The following NR6A1 variants were observed in gnomAD, a reference collection of about 807,000 sequenced individuals.
NR6A1 encodes the protein retinoic acid receptor-related testis-associated receptor.
In NR6A1, 7 loss-of-function variants were observed where a neutral mutation model predicts 59.1. The observed-to-expected ratio is 0.12, with a 90% CI of 0.07 to 0.22. The LOEUF is 0.22. NR6A1 is among the 10% of genes least tolerant of loss of function. The pLI is 1.00. For synonymous variants in NR6A1, 243 were observed against 236.1 expected (o/e 1.03, Z -0.27); for missense variants, 468 against 611.6 (o/e 0.77, Z 2.48).
intron 1 of NR6A1, 110 bp from the exon 2 acceptor site, chr9:124,733,459 T>C (rs970828286): frequency 1.2e-6 from 1 of 834,274 alleles, no homozygotes; most frequent in Non-Finnish European, 2.0e-6. Flanking sequence ...AGAAGTCAAT[T>C]TGGGTTTCAA....
intron 2 of NR6A1, among the ~76,000 whole-genome samples, chr9:124,556,652 G>T (rs1342048595): frequency 6.6e-6 from 1 of 151,850 alleles, no homozygotes; most frequent in Non-Finnish European, 1.5e-5. Context: ...GTAGAGACGG[G>T]GTTTTACCAT....
chr9:124,725,091 G>T (rs910299348), intron 2 of NR6A1, among the ~76,000 whole-genome samples: 1 of 152,116 alleles, frequency 6.6e-6, no homozygotes, highest in Non-Finnish European at 1.5e-5. Context: ...ACAGCTACAC[G>T]GTAAACACGA....
intron 3 of NR6A1, among the ~76,000 whole-genome samples, chr9:124,551,793 T>C (rs1446921171): frequency 1.3e-5 from 2 of 152,224 alleles, no homozygotes; most frequent in African/African-American, 2.4e-5. Flanking sequence ...TGTAAAGTTC[T>C]ATGGGTTTTG....
chr9:124,565,306 A>C (rs954373847), intron 2 of NR6A1, among the ~76,000 whole-genome samples: 2 of 152,132 alleles, frequency 1.3e-5, no homozygotes, highest in African/African-American at 4.8e-5. Context: ...ACGCGCTTGT[A>C]GTCCCAGATA....
chr9:124,683,757 C>A lies in NR6A1; in HGVS notation c.142+49551G>T, dbSNP rs575943726. ...GCAGTGAGCCAAGATCGCACCATTG[C>A]ACTCCAGCTTGGGCAACAAGAGTGA... On this transcript the variant is annotated intron_variant, in intron 2 of 9. Transcript: ENST00000487099. Among the ~76,000 whole-genome samples the A allele has an allele frequency of 7.2e-5, 11 of 152,354 alleles. No homozygotes were observed. The South Asian group carries it at 1.9e-3, about 26-fold the overall frequency.
chr9:124,588,025 TCTC>T (rs1380427512), intron 2 of NR6A1, among the ~76,000 whole-genome samples: 1 of 152,088 alleles, frequency 6.6e-6, no homozygotes, highest in Non-Finnish European at 1.5e-5. Context: ...AGAACTCCTC[TCTC>T]CTCAGCTCCT....
chr9:124,600,483 A>C (rs529340912), intron 2 of NR6A1, among the ~76,000 whole-genome samples: 5 of 152,344 alleles, frequency 3.3e-5, no homozygotes, highest in African/African-American at 1.2e-4. Flanking sequence ...CTAAAATAAA[A>C]TATTCCAGAA....
intron 1 of NR6A1, among the ~76,000 whole-genome samples, chr9:124,747,333 T>A (rs921129504): frequency 6.6e-6 from 1 of 152,032 alleles, no homozygotes. Context: ...TAGCTGGGAC[T>A]ACAATCATGT....
At chr9:124,765,235 T>C (rs1445666162) in intron 1 of NR6A1, among the ~76,000 whole-genome samples, 1 of 152,218 alleles carries the variant, frequency 6.6e-6, no homozygotes, top group Admixed American at 6.5e-5. Context: ...AACTACTCCA[T>C]TGCATAACTT....
chr9:124,747,187 CTTTTTTTTTTTT>C (rs35429356), intron 1 of NR6A1, among the ~76,000 whole-genome samples: 15 of 122,518 alleles, frequency 1.2e-4, no homozygotes, highest in Non-Finnish European at 2.5e-4. Context: ...CCTTGTCTGA[CTTTTTTTTTTTT>C]TTTTTTTTGA....
intron 7 of NR6A1, among the ~76,000 whole-genome samples, chr9:124,527,883 C>A (rs1164182392): frequency 2.0e-5 from 3 of 152,170 alleles, no homozygotes; most frequent in Non-Finnish European, 2.9e-5. Context: ...ACCAAGGAGG[C>A]AAACACTTAA....
chr9:124,536,721 G>C (rs1273884638), intron 6 of NR6A1, among the ~76,000 whole-genome samples: 1 of 152,010 alleles, frequency 6.6e-6, no homozygotes, highest in East Asian at 1.9e-4. Context: ...TTTATTGTTG[G>C]TGTTCTCTAA....
At chr9:124,624,912 GTTTT>G (rs71492418) in intron 2 of NR6A1, among the ~76,000 whole-genome samples, 1 of 134,854 alleles carries the variant, frequency 7.4e-6, no homozygotes, top group Non-Finnish European at 1.6e-5. Flanking sequence ...TTGCTAGCTT[GTTTT>G]TTTTTTTTTT....
chr9:124,673,495 T>C (rs576338285), intron 2 of NR6A1, among the ~76,000 whole-genome samples: 1 of 148,152 alleles, frequency 6.7e-6, no homozygotes, highest in East Asian at 2.1e-4. Context: ...AAAACCAGAA[T>C]CTCAACCTGG....
intron 2 of NR6A1, among the ~76,000 whole-genome samples, chr9:124,583,961 C>G (rs1220956527): frequency 6.6e-6 from 1 of 152,170 alleles, no homozygotes; most frequent in East Asian, 1.9e-4. Context: ...TTGGGTATAT[C>G]ACAGGGCAGG....
intron 4 of NR6A1, among the ~76,000 whole-genome samples, chr9:124,543,581 G>C (rs1260985056): frequency 6.6e-6 from 1 of 152,192 alleles, no homozygotes; most frequent in Non-Finnish European, 1.5e-5. Context: ...GAAATCCTTA[G>C]GAAAGGCTGA....
intron 2 of NR6A1, among the ~76,000 whole-genome samples, chr9:124,726,961 A>C (rs1262068913): frequency 6.6e-6 from 1 of 152,240 alleles, no homozygotes; most frequent in African/African-American, 2.4e-5. Context: ...GCAGGTGTCT[A>C]CAATATTAGA....
At chr9:124,624,741 G>GT (rs1349439662) in intron 2 of NR6A1, among the ~76,000 whole-genome samples, 1 of 152,190 alleles carries the variant, frequency 6.6e-6, no homozygotes, top group East Asian at 1.9e-4. Context: ...CTTGCCATTG[G>GT]TGGAGGCTCT....
At chr9:124,677,232 A>G (rs745664716) in intron 2 of NR6A1, among the ~76,000 whole-genome samples, 2 of 152,154 alleles carry the variant, frequency 1.3e-5, no homozygotes, top group Non-Finnish European at 2.9e-5. Flanking sequence ...TATAGTAACT[A>G]CCAAGCTTTA....
Sources: allele counts gnomAD v4.1 joint callset (sites outside exome capture counted in the v4.1 genomes callset), GRCh38; gene constraint gnomAD v4.1.1; transcripts MANE v1.5; gene names NCBI Gene and HGNC (gene_info 2026-07-23, HGNC 2026-07-21).